The following KCNQ1OT1 variants were observed in gnomAD, a reference collection of about 807,000 sequenced individuals.
KCNQ1OT1 encodes KCNQ1 antisense RNA 2 (non-protein coding).
At chr11:2,660,477 G>C (rs1849932022) in exon 1 of KCNQ1OT1, 1 of 398,462 alleles carries the variant, frequency 2.5e-6, no homozygotes, top group African/African-American at 2.1e-5. Context: ...AAAACAGACT[G>C]GGGAAGCTAT....
exon 1 of KCNQ1OT1, chr11:2,672,585 G>T (rs1373570290): frequency 1.0e-5 from 4 of 398,564 alleles, no homozygotes; most frequent in South Asian, 1.3e-4. Flanking sequence ...CCTGAATTTT[G>T]ATTGGGAAAG....
At chr11:2,629,953 A>T in exon 1 of KCNQ1OT1, 1 of 398,434 alleles carries the variant, frequency 2.5e-6, no homozygotes, top group Non-Finnish European at 4.4e-6. Context: ...GACTTCCAGT[A>T]CTGTGTTGAA....
At chr11:2,650,603 A>G in exon 1 of KCNQ1OT1, 1 of 398,606 alleles carries the variant, frequency 2.5e-6, no homozygotes, top group Non-Finnish European at 4.4e-6. Context: ...GGCTCCTTAG[A>G]GGTACTTACT....
rs765989583 is a variant in KCNQ1OT1 at position 2,698,429 on chromosome 11, A to G, written n.1566T>C. The G allele has an allele frequency of 3.4e-5, 13 of 377,678 alleles. No homozygotes were observed. The highest frequency in any genetic ancestry group is 1.5e-4 in the Admixed American group (3 of 20,344). 23.4% of individuals were successfully genotyped at this position (377,678 alleles called of 1,614,324 possible). ...AACATAGTGGTGGCCCTTCAAGCCTACTACCCAGACTGAGACCTGCATCTG... is the reference window on the plus strand; with the variant it reads ...AACATAGTGGTGGCCCTTCAAGCCTGCTACCCAGACTGAGACCTGCATCTG... On this transcript the variant is annotated non_coding_transcript_exon_variant, in exon 1 of 1. Transcript: ENST00000597346. The surrounding 1 kb of genome is among the most constrained non-coding windows in gnomAD (Gnocchi z 5.1).
At chr11:2,692,492 G>A in exon 1 of KCNQ1OT1, 1 of 398,718 alleles carries the variant, frequency 2.5e-6, no homozygotes, top group South Asian at 1.3e-4. Context: ...TCAGATGCTT[G>A]GCTTCTTTCC....
exon 1 of KCNQ1OT1, chr11:2,639,406 C>A (rs1320459584): frequency 6.6e-6 from 1 of 152,210 alleles, no homozygotes; most frequent in Non-Finnish European, 1.5e-5. Flanking sequence ...GATGTCCTTT[C>A]TGTTTGTTAG....
chr11:2,609,809 TCTC>T (rs1310425569), exon 1 of KCNQ1OT1: 2 of 398,244 alleles, frequency 5.0e-6, no homozygotes, highest in Non-Finnish European at 8.9e-6. Context: ...TAATTTAAAA[TCTC>T]CTTTGACTTT....
At chr11:2,692,910 T>C in exon 1 of KCNQ1OT1, 1 of 398,404 alleles carries the variant, frequency 2.5e-6, no homozygotes, top group Middle Eastern at 6.3e-4. Context: ...AAATCAACTG[T>C]AGCATGGCCT....
exon 1 of KCNQ1OT1, chr11:2,692,741 C>G: frequency 2.5e-6 from 1 of 398,662 alleles, no homozygotes; most frequent in Non-Finnish European, 4.4e-6. Context: ...CCTATCAAAT[C>G]CCTCCCTCTG....
chr11:2,648,677 G>A (rs1167690222), exon 1 of KCNQ1OT1: 12 of 398,320 alleles, frequency 3.0e-5, no homozygotes, highest in South Asian at 1.3e-4. Context: ...ATTGAGACCC[G>A]TTTTGTGTCC....
Position 2,654,018 on chromosome 11 carries a change from C to T in KCNQ1OT1, n.45977G>A, listed in dbSNP as rs1849797946. On this transcript the variant is annotated non_coding_transcript_exon_variant, in exon 1 of 1. Coordinates refer to ENST00000597346, the Ensembl canonical transcript of KCNQ1OT1. This position sits in a 1 kb window ranked among gnomAD's most constrained non-coding sequence, Gnocchi z 6.4. ...GGTGCCAGCTGTGAATATACATTTT[C>T]ACTCCATTCCTCGCCTTGTTCCTGG... is the stretch of plus-strand genomic sequence containing the variant. 2.5e-6 allele frequency: 1 copy of T among 398,576 alleles called. No individual in the cohort carries two copies. Among genetic ancestry groups the T allele is most frequent in the Non-Finnish European group, 4.4e-6 (1 of 226,100 alleles). 24.7% of individuals were successfully genotyped at this position (398,576 alleles called of 1,614,324 possible). A position where few individuals can be genotyped will look rare whatever the true frequency, so the allele number is the denominator to read the frequency against.
At chr11:2,665,288 A>T in exon 1 of KCNQ1OT1, 1 of 398,318 alleles carries the variant, frequency 2.5e-6, no homozygotes, top group Non-Finnish European at 4.4e-6. Flanking sequence ...CCCACCCAGA[A>T]CCATATGACA....
chr11:2,619,296 A>G (rs146464686), exon 1 of KCNQ1OT1: 148 of 398,450 alleles, frequency 3.7e-4, no homozygotes, highest in African/African-American at 2.7e-3. Flanking sequence ...ATTGATTATA[A>G]CGTTAGCTGT....
chr11:2,633,443 G>A (rs10832430), exon 1 of KCNQ1OT1: 117,510 of 398,224 alleles, frequency 0.3, 21,080 homozygotes, highest in East Asian at 0.63. Context: ...TAAAATCTTC[G>A]CTAGACCCAT....
At chr11:2,649,315 G>T (rs1267396435) in exon 1 of KCNQ1OT1, 4 of 397,738 alleles carry the variant, frequency 1.0e-5, no homozygotes, top group Non-Finnish European at 1.8e-5. Context: ...GCAATTTTTT[G>T]GTTTTCTGTA....
chr11:2,646,949 A>G (rs765029748), exon 1 of KCNQ1OT1: 3 of 398,486 alleles, frequency 7.5e-6, no homozygotes, highest in Non-Finnish European at 1.3e-5. Flanking sequence ...ACAATATGAC[A>G]TTCTCTTTTC....
exon 1 of KCNQ1OT1, chr11:2,692,477 G>A (rs1366714753): frequency 7.5e-6 from 3 of 398,576 alleles, no homozygotes; most frequent in Admixed American, 4.4e-5. Context: ...TGCCTTTCTG[G>A]TAGTTCAGAT....
chr11:2,666,727 C>G (rs943659444), exon 1 of KCNQ1OT1: 12 of 398,698 alleles, frequency 3.0e-5, no homozygotes, highest in Non-Finnish European at 4.9e-5. Flanking sequence ...CCTACTCCCA[C>G]AGACCCCAGG....
At chr11:2,619,238 A>G in exon 1 of KCNQ1OT1, 1 of 398,564 alleles carries the variant, frequency 2.5e-6, no homozygotes, top group Non-Finnish European at 4.4e-6. Context: ...TAGAGTGGGC[A>G]TCCTTGCCTT....
Sources: allele counts gnomAD v4.1 joint callset, GRCh38; gene constraint gnomAD v4.1.1; non-coding constraint Gnocchi (gnomAD v3.1); transcripts MANE v1.5; gene names NCBI Gene and HGNC (gene_info 2026-07-23, HGNC 2026-07-21).